Variants in HNRNPC observed in about 807,000 individuals in gnomAD.
HNRNPC encodes the protein heterogeneous nuclear ribonucleoprotein C, also known as heterogeneous nuclear ribonucleoproteins C1/C2.
A neutral mutation model predicts 33.2 loss-of-function variants in HNRNPC; 3 were observed. The ratio of observed to expected loss-of-function variants is 0.09; its 90% CI spans 0.04 to 0.23. The LOEUF is 0.23. HNRNPC is among the 10% of genes least tolerant of loss of function. The pLI, the probability that HNRNPC is intolerant of heterozygous loss-of-function variation, is 1.00. For missense variants in HNRNPC, 143 were observed against 366.7 expected, an observed-to-expected ratio of 0.39 and a Z score of 4.98; for synonymous variants, 121 against 126.7, an observed-to-expected ratio of 0.96 and a Z score of 0.30.
chr14:21,239,045 TGAACATGG>T (rs72164705), intron 2 of HNRNPC, among the ~76,000 whole-genome samples: 27,567 of 151,776 alleles, frequency 0.18, 2,887 homozygotes, highest in African/African-American at 0.27. Context: ...GAGAATCGCT[TGAACATGG>T]GAGGAGGTTG....
At chr14:21,254,719 A>G (rs924436023) in intron 2 of HNRNPC, 3 of 150,834 alleles carry the variant, frequency 2.0e-5, no homozygotes, top group Non-Finnish European at 4.4e-5. Flanking sequence ...CAGCCTGGCC[A>G]GCATGGTGAA....
intron 5 of HNRNPC, among the ~76,000 whole-genome samples, chr14:21,215,456 C>T (rs1280222953): frequency 3.9e-5 from 6 of 152,166 alleles, no homozygotes; most frequent in Admixed American, 3.3e-4. Flanking sequence ...TAAGGCTAGG[C>T]TGTTTAAAAT....
chr14:21,212,691 C>G (rs975633197), intron 6 of HNRNPC, among the ~76,000 whole-genome samples: 2 of 152,072 alleles, frequency 1.3e-5, no homozygotes, highest in Admixed American at 6.5e-5. Flanking sequence ...TACATGCACG[C>G]ACCACCATCC....
chr14:21,252,344 A>C (rs1423998008), intron 2 of HNRNPC, among the ~76,000 whole-genome samples: 2 of 152,128 alleles, frequency 1.3e-5, no homozygotes, highest in African/African-American at 4.8e-5. Flanking sequence ...TAAGTCTCAC[A>C]ATATCACCCA....
intron 5 of HNRNPC, among the ~76,000 whole-genome samples, chr14:21,222,216 G>C (rs999178278): frequency 6.6e-6 from 1 of 152,142 alleles, no homozygotes; most frequent in African/African-American, 2.4e-5. Context: ...CCTTCCACAT[G>C]ACTGATGGGA....
chr14:21,248,596 C>T (rs1040318608), intron 2 of HNRNPC, among the ~76,000 whole-genome samples: 1 of 152,072 alleles, frequency 6.6e-6, no homozygotes, highest in African/African-American at 2.4e-5. Flanking sequence ...CAAAAAATGG[C>T]CCAAGGACAC....
At chr14:21,244,325 T>A (rs1326564071) in intron 2 of HNRNPC, among the ~76,000 whole-genome samples, 1 of 152,236 alleles carries the variant, frequency 6.6e-6, no homozygotes. Context: ...AAAGCACTTT[T>A]ATAATCAAAA....
At chr14:21,221,139 G>C (rs1268237652) in intron 5 of HNRNPC, among the ~76,000 whole-genome samples, 1 of 152,174 alleles carries the variant, frequency 6.6e-6, no homozygotes, top group Admixed American at 6.5e-5. Context: ...TGATGAACGT[G>C]AATTTGGAGG....
At chr14:21,224,210 T>C (rs1893160591) in intron 5 of HNRNPC, among the ~76,000 whole-genome samples, 1 of 152,176 alleles carries the variant, frequency 6.6e-6, no homozygotes, top group African/African-American at 2.4e-5. Context: ...TCAACCCATA[T>C]TGTTAATCCA....
intron 1 of HNRNPC, among the ~76,000 whole-genome samples, chr14:21,268,973 A>G (rs991787053): frequency 3.9e-5 from 6 of 152,058 alleles, no homozygotes; most frequent in Admixed American, 3.3e-4. Flanking sequence ...AACTTCGACT[A>G]TATTAATGAG....
At chr14:21,230,491 TCCCCA>T in intron 4 of HNRNPC, 125 bp from the exon 5 acceptor site, 3 of 670,480 alleles carry the variant, frequency 4.5e-6, no homozygotes, top group Non-Finnish European at 8.1e-6. Context: ...CACTGAATGA[TCCCCA>T]ATCATTCATA....
At chr14:21,253,202 C>T (rs369942731) in intron 2 of HNRNPC, among the ~76,000 whole-genome samples, 48 of 127,644 alleles carry the variant, frequency 3.8e-4, no homozygotes, top group African/African-American at 1.3e-3. Flanking sequence ...ACTGGCCAGG[C>T]GCGGTGGCTC....
chr14:21,229,232 T>C (rs1312987052), intron 5 of HNRNPC, among the ~76,000 whole-genome samples: 1 of 150,278 alleles, frequency 6.7e-6, no homozygotes, highest in Non-Finnish European at 1.5e-5. Flanking sequence ...CTACTAAAAA[T>C]ACAAAAAATT....
At chr14:21,244,648 G>A (rs1895748688) in intron 2 of HNRNPC, among the ~76,000 whole-genome samples, 1 of 152,074 alleles carries the variant, frequency 6.6e-6, no homozygotes, top group Non-Finnish European at 1.5e-5. Context: ...TTAATGACAG[G>A]GAAATGCATG....
At chr14:21,247,030 G>A (rs1366952861) in intron 2 of HNRNPC, among the ~76,000 whole-genome samples, 1 of 152,190 alleles carries the variant, frequency 6.6e-6, no homozygotes, top group Non-Finnish European at 1.5e-5. Flanking sequence ...GAGCTCATCA[G>A]TAAAGTTTTT....
intron 2 of HNRNPC, among the ~76,000 whole-genome samples, chr14:21,239,341 A>G (rs1895082711): frequency 1.4e-5 from 2 of 145,166 alleles, no homozygotes; most frequent in South Asian, 4.5e-4. Context: ...TTAGCGGGGT[A>G]TGGTGGCACA....
chr14:21,234,020 A>G lies in HNRNPC; in HGVS notation c.174T>C (p.Val58=). The G allele has an allele frequency of 6.2e-7, 1 of 1,613,952 alleles. No individual in the cohort carries two copies. The highest frequency in any genetic ancestry group is 1.1e-5 in the South Asian group (1 of 91,072). ...CAGCAGCCCGGGCATTTCTCTCATTAACATACTGAACGAAGGCAAAGCCCT... is the reference window on the plus strand; with the variant it reads ...CAGCAGCCCGGGCATTTCTCTCATTGACATACTGAACGAAGGCAAAGCCCT... ...VHKGFAFVQY[V]NERNARAAVA... is the part of the protein sequence containing the mutation. The change falls in exon 3 of 9, where the codon GTT becomes GTC. Residue 58 remains valine (V), a synonymous_variant. Coordinates refer to ENST00000553300, the MANE Select transcript of HNRNPC (RefSeq NM_004500.4).
chr14:21,254,930 AAAC>A (rs1345746326), intron 2 of HNRNPC, among the ~76,000 whole-genome samples: 8 of 150,744 alleles, frequency 5.3e-5, no homozygotes, highest in South Asian at 2.1e-4. Context: ...CTCAAAAAAA[AAAC>A]AAAAAAAAAA....
chr14:21,268,419 G>A (rs2139091389), intron 1 of HNRNPC, among the ~76,000 whole-genome samples: 1 of 152,202 alleles, frequency 6.6e-6, no homozygotes, highest in South Asian at 2.1e-4. Context: ...TTACCTCGTG[G>A]TTTCCGTCAT....
Sources: allele counts gnomAD v4.1 joint callset (sites outside exome capture counted in the v4.1 genomes callset), GRCh38; gene constraint gnomAD v4.1.1; transcripts MANE v1.5; gene names NCBI Gene and HGNC (gene_info 2026-07-23, HGNC 2026-07-21).